Variants in POLR1G observed in about 807,000 individuals in gnomAD.
The protein encoded by POLR1G is DNA-directed RNA polymerase I subunit RPA34.
Under a neutral mutation model 6.3 loss-of-function variants are expected in POLR1G, and 9 were observed. That is an observed-to-expected ratio of 1.44 (90% CI 0.87 to 2.51). The LOEUF is 2.51. POLR1G is among the 30% of genes most tolerant of loss of function. The pLI, the probability that POLR1G is intolerant of heterozygous loss-of-function variation, is 0.00. For synonymous variants in POLR1G, 248 were observed against 256.5 expected (o/e 0.97, Z 0.32); for missense variants, 617 against 632.5 (o/e 0.98, Z 0.26).
chr19:45,409,718 C>A lies in POLR1G; in HGVS notation c.*217C>A. 1.2e-6 allele frequency: 1 copy of A among 853,760 alleles called. No homozygotes were observed. Among genetic ancestry groups the A allele is most frequent in the Non-Finnish European group, 2.1e-6 (1 of 486,140 alleles). 52.9% of individuals were successfully genotyped at this position (853,760 alleles called of 1,614,324 possible). A position where few individuals can be genotyped will look rare whatever the true frequency, so the allele number is the denominator to read the frequency against. On this transcript the variant is annotated 3_prime_UTR_variant, in exon 3 of 3. Transcript: ENST00000309424. ...GGGCTCGTGCAGGACATCAAACAGCCTCCGGGCCTGGATGGGAGGGAGAAA... is the reference window on the plus strand; with the variant it reads ...GGGCTCGTGCAGGACATCAAACAGCATCCGGGCCTGGATGGGAGGGAGAAA...
rs758351561 is a variant in POLR1G, at chr19:45,409,332, C to T, written c.1364C>T (p.Ala455Val). 2.5e-6 allele frequency: 4 copies of T among 1,614,066 alleles called. No homozygotes were observed. Among genetic ancestry groups the T allele is most frequent in the Middle Eastern group, 1.6e-4 (1 of 6,062 alleles). ...GGGGAGGGACAGCCTGAAGCCAGGG[C>T]AACTCCGGGATCCACCAAGAAGAGG... ...LPGEGQPEAR[A>V]TPGSTKKRKK... The change falls in exon 3 of 3, where the codon GCA (alanine) becomes GTA (valine). Residue 455 changes from alanine to valine, a missense_variant. By Grantham distance (64) the Ala-to-Val change is moderately conservative. Coordinates refer to ENST00000309424, the MANE Select transcript of POLR1G (RefSeq NM_012099.3).
In POLR1G at chr19:45,408,853, G is replaced by T. The variant is rs1173626984; in HGVS notation, c.885G>T (p.Gly295=). 3.1e-6 allele frequency: 5 copies of T among 1,614,050 alleles called. No homozygotes were observed. Among genetic ancestry groups the T allele is most frequent in the Admixed American group, 1.7e-5 (1 of 60,004 alleles). ...CCAAAAAGAGAAAGAGGCAAAAGGGGACGGAAGGGATGGAGCCAGAGGAGG... is the reference window on the plus strand; with the variant it reads ...CCAAAAAGAGAAAGAGGCAAAAGGGTACGGAAGGGATGGAGCCAGAGGAGG... ...SPTKKRKRQK[G]TEGMEPEEGV... is the part of the protein sequence containing the mutation. Residue 295 remains glycine, a synonymous_variant, in exon 3 of 3, where the codon GGG becomes GGT. Transcript: ENST00000309424.
chr19:45,409,070 C>A lies in POLR1G; in HGVS notation c.1102C>A (p.Gln368Lys). The change falls in exon 3 of 3, where the codon CAG (glutamine) becomes AAG (lysine). Residue 368 changes from glutamine (Q) to lysine (K), a missense_variant. By Grantham distance (53) the Gln-to-Lys change is moderately conservative. Coordinates refer to ENST00000309424, the MANE Select transcript of POLR1G (RefSeq NM_012099.3). Reference protein sequence around the residue: ...ESPGGTMAPQQPEGAKPQAQA... With the variant: ...ESPGGTMAPQKPEGAKPQAQA... Reference sequence around the variant, plus strand: ...CCCAGGGGGGACCATGGCGCCTCAACAGCCAGAAGGAGCGAAGCCTCAGGC... The same window carrying A: ...CCCAGGGGGGACCATGGCGCCTCAAAAGCCAGAAGGAGCGAAGCCTCAGGC... 1 of 1,613,774 alleles carries A rather than the reference C, an allele frequency of 6.2e-7. No homozygotes were observed. The highest frequency in any genetic ancestry group is 8.5e-7 in the Non-Finnish European group (1 of 1,179,756).
At chr19:45,407,827 G>A (rs908981385) in intron 2 of POLR1G, 9 of 279,528 alleles carry the variant, frequency 3.2e-5, no homozygotes, top group African/African-American at 8.6e-5. Flanking sequence ...AGGCCGAGGC[G>A]AGCAGATCAC....
chr19:45,409,790 A>C lies in POLR1G; in HGVS notation c.*289A>C. 2 of 730,896 alleles carry C rather than the reference A, an allele frequency of 2.7e-6. No individual in the cohort carries two copies. Among genetic ancestry groups the C allele is most frequent in the Non-Finnish European group, 5.1e-6 (2 of 392,300 alleles). 45.3% of individuals were successfully genotyped at this position (730,896 alleles called of 1,614,324 possible). Reference sequence around the variant, plus strand: ...AAGGAGCTGTTTCCTGGGTAAATCTAGAGTGGGGTTTTGGTTCTTTATTTT... The same window carrying C: ...AAGGAGCTGTTTCCTGGGTAAATCTCGAGTGGGGTTTTGGTTCTTTATTTT... On this transcript the variant is annotated 3_prime_UTR_variant, in exon 3 of 3. Transcript: ENST00000309424.
chr19:45,408,258 C>A lies in POLR1G; in HGVS notation c.290C>A (p.Pro97His). The change falls in exon 3 of 3, where the codon CCC becomes CAC. Residue 97 changes from proline (P) to histidine (H), a missense_variant. Physicochemically the swap from Pro to His is moderately conservative, Grantham distance 77. Coordinates refer to ENST00000309424, the MANE Select transcript of POLR1G (RefSeq NM_012099.3). ...PQAGEATLLA[P>H]STEAGGGLTC... ...GCTGGAGAAGCGACCCTGCTGGCCC[C>A]CTCAACGGAGGCAGGAGGTGGACTC... 6.2e-7 allele frequency: 1 copy of A among 1,614,104 alleles called. No individual in the cohort carries two copies. The highest frequency in any genetic ancestry group is 8.5e-7 in the Non-Finnish European group (1 of 1,179,974).
rs1406995672 is a variant in POLR1G, at chr19:45,409,491, A to G, written c.1523A>G (p.Gln508Arg). The G allele has an allele frequency of 6.2e-6, 10 of 1,607,592 alleles. No individual in the cohort carries two copies. Among genetic ancestry groups the G allele is most frequent in the African/African-American group, 2.7e-5 (2 of 74,812 alleles). The stretch of plus-strand genomic sequence containing the variant: ...AAGAAGCGGAAGCAGCAGCAGCAGC[A>G]GCCTGTGTAGTCTGCCCCCGGGAAA... Reference protein sequence around the residue: ...RDKKRKQQQQQPV With the variant: ...RDKKRKQQQQRPV The change falls in exon 3 of 3, where the codon CAG becomes CGG. Residue 508 changes from glutamine to arginine, a missense_variant. Transcript: ENST00000309424.
Position 45,407,152 on chromosome 19 carries a change from CCCT to C in POLR1G, c.83_85del (p.Pro28del), listed in dbSNP as rs1973399207. ...CCGCGAAGCCCCCAGCCTCAGAGTC[CCCT>C]CGTTTCTCCTTGGAGGCGCTGACGG... On this transcript the variant is annotated inframe_deletion, in exon 2 of 3. Transcript: ENST00000309424. The C allele has an allele frequency of 6.2e-7, 1 of 1,612,592 alleles. No individual in the cohort carries two copies.
At chr19:45,407,313 A>T in intron 2 of POLR1G, 78 bp downstream of exon 2, 2 of 1,386,008 alleles carry the variant, frequency 1.4e-6, no homozygotes, top group Non-Finnish European at 2.0e-6. Context: ...CACAGGAAAG[A>T]ATTAGAGGTG....
rs8113779 is a variant in POLR1G at position 45,406,745 on chromosome 19, G to T, written c.22+27G>T. On this transcript the variant is annotated intron_variant, in intron 1 of 2. Coordinates refer to ENST00000309424, the MANE Select transcript of POLR1G (RefSeq NM_012099.3). The surrounding 1 kb of genome is among the most constrained non-coding windows in gnomAD (Gnocchi z 4.2). ...TGAGGGTGCGGGTTGACGGGGTGCGGAGGGTGCGTTGGTGGAAGGAGAAAG... is the reference window on the plus strand; with the variant it reads ...TGAGGGTGCGGGTTGACGGGGTGCGTAGGGTGCGTTGGTGGAAGGAGAAAG... 0.18 allele frequency: 276,016 copies of T among 1,516,734 alleles called. 27,487 individuals carry two copies. The highest frequency in any genetic ancestry group is 0.46 in the East Asian group (17,624 of 38,700). 94.0% of individuals were successfully genotyped at this position (1,516,734 alleles called of 1,614,324 possible).
rs771809793 is a variant in POLR1G at position 45,409,472 on chromosome 19, C to T, written c.1504C>T (p.Arg502Trp). 9 of 1,611,210 alleles carry T rather than the reference C, an allele frequency of 5.6e-6. No individual in the cohort carries two copies. The East Asian group carries it at 1.3e-4, about 24-fold the overall frequency. ...EEAPTGRDKK[R>W]KQQQQQPV ...GGCTCCCACAGGCCGGGACAAGAAG[C>T]GGAAGCAGCAGCAGCAGCAGCCTGT... is the stretch of plus-strand genomic sequence containing the variant. Residue 502 changes from arginine to tryptophan, a missense_variant, in exon 3 of 3, where the codon CGG (arginine) becomes TGG (tryptophan). Transcript: ENST00000309424.
At position 45,408,825 on chromosome 19, in the gene POLR1G, C is replaced by T. The variant is rs748783248; in HGVS notation, c.857C>T (p.Pro286Leu). 2.8e-5 allele frequency: 45 copies of T among 1,613,798 alleles called. No individual in the cohort carries two copies. The highest frequency in any genetic ancestry group is 9.9e-5 in the South Asian group (9 of 91,072). The part of the protein sequence containing the change: ...TEPLEDTVLS[P>L]TKKRKRQKGT... The stretch of plus-strand genomic sequence containing the variant: ...CCTCTAGAAGACACAGTCCTGTCCC[C>T]GACCAAAAAGAGAAAGAGGCAAAAG... The change falls in exon 3 of 3, where the codon CCG becomes CTG. Residue 286 changes from proline (P) to leucine (L), a missense_variant. Transcript: ENST00000309424.
rs1482264960 is a variant in POLR1G at position 45,406,681 on chromosome 19, AGGTGT to A, written c.-13_-9del. ...GCAGCCCGGGCTACAGGGTTGCCTG[AGGTGT>A]GGGTCCCAGGATGGAGGAGCCCCAG... is the stretch of plus-strand genomic sequence containing the variant. On this transcript the variant is annotated 5_prime_UTR_variant, in exon 1 of 3. Coordinates refer to ENST00000309424, the MANE Select transcript of POLR1G (RefSeq NM_012099.3). The surrounding 1 kb of genome is among the most constrained non-coding windows in gnomAD (Gnocchi z 4.2). The A allele has an allele frequency of 5.2e-6, 8 of 1,544,236 alleles. No individual in the cohort carries two copies. Among genetic ancestry groups the A allele is most frequent in the Non-Finnish European group, 7.0e-6 (8 of 1,144,762 alleles).
In POLR1G at chr19:45,409,251, A is replaced by G; in HGVS notation, c.1283A>G (p.Lys428Arg). 4 of 1,613,442 alleles carry G rather than the reference A, an allele frequency of 2.5e-6. No homozygotes were observed. Among genetic ancestry groups the G allele is most frequent in the Non-Finnish European group, 3.4e-6 (4 of 1,179,654 alleles). Reference sequence around the variant, plus strand: ...TCCACCAAGAAGAAGAAGAAGAAGAAAGAGAGAGGTCACACAGTGACTGAG... The same window carrying G: ...TCCACCAAGAAGAAGAAGAAGAAGAGAGAGAGAGGTCACACAGTGACTGAG... ...PTSTKKKKKK[K>R]ERGHTVTEPI... Residue 428 changes from lysine (K) to arginine (R), a missense_variant, in exon 3 of 3, where the codon AAA (lysine) becomes AGA (arginine). By Grantham distance (26) the Lys-to-Arg change is conservative. Transcript: ENST00000309424.
Position 45,410,596 on chromosome 19 carries a change from T to TGTGTGTGTGTGTGTGTGTGTGG in POLR1G, c.*1096_*1097insTGTGTGTGTGTGTGTGTGTGGG, listed in dbSNP as rs896460788. The TGTGTGTGTGTGTGTGTGTGTGG allele has an allele frequency of 6.6e-6, 1 of 151,610 alleles. No homozygotes were observed. The highest frequency in any genetic ancestry group is 2.4e-5 in the African/African-American group (1 of 41,082). The allele number at this position is 151,610 out of a possible 1,614,324, so 9.4% of individuals were successfully genotyped here. On this transcript the variant is annotated 3_prime_UTR_variant, in exon 3 of 3. Coordinates refer to ENST00000309424, the MANE Select transcript of POLR1G (RefSeq NM_012099.3). Reference sequence around the variant, plus strand: ...GTGTGTGTGTGTGTGTGTGTGTGTGTGGTACCCATTAACCTTCCCCATCTC... The same window carrying TGTGTGTGTGTGTGTGTGTGTGG: ...GTGTGTGTGTGTGTGTGTGTGTGTGTGTGTGTGTGTGTGTGTGTGTGGGGTACCCATTAACCTTCCCCATCTC...
rs1340048153 is a variant in POLR1G at position 45,409,761 on chromosome 19, A to G, written c.*260A>G. 1 of 767,436 alleles carries G rather than the reference A, an allele frequency of 1.3e-6. No individual in the cohort carries two copies. The highest frequency in any genetic ancestry group is 1.8e-5 in the Admixed American group (1 of 55,854). 47.5% of individuals were successfully genotyped at this position (767,436 alleles called of 1,614,324 possible). Reference sequence around the variant, plus strand: ...GGGAGAAAAAAATGAGGAACCAGTCATTAAAGGAGCTGTTTCCTGGGTAAA... The same window carrying G: ...GGGAGAAAAAAATGAGGAACCAGTCGTTAAAGGAGCTGTTTCCTGGGTAAA... On this transcript the variant is annotated 3_prime_UTR_variant, in exon 3 of 3. Coordinates refer to ENST00000309424, the MANE Select transcript of POLR1G (RefSeq NM_012099.3).
chr19:45,409,469 A>C lies in POLR1G; in HGVS notation c.1501A>C (p.Lys501Gln), dbSNP rs778839547. Residue 501 changes from lysine (K) to glutamine (Q), a missense_variant, in exon 3 of 3, where the codon AAG becomes CAG. By Grantham distance (53) the Lys-to-Gln change is moderately conservative. Transcript: ENST00000309424. ...GGAGGCTCCCACAGGCCGGGACAAG[A>C]AGCGGAAGCAGCAGCAGCAGCAGCC... ...GEEAPTGRDK[K>Q]RKQQQQQPV 3 of 1,611,880 alleles carry C rather than the reference A, an allele frequency of 1.9e-6. No individual in the cohort carries two copies. The highest frequency in any genetic ancestry group is 1.1e-5 in the South Asian group (1 of 90,922).
At position 45,407,009 on chromosome 19, in the gene POLR1G, T is replaced by G. The variant is rs1182391428; in HGVS notation, c.23-85T>G. 5.3e-6 allele frequency: 8 copies of G among 1,510,832 alleles called. No individual in the cohort carries two copies. The South Asian group carries it at 9.2e-5, about 17-fold the overall frequency. 93.6% of individuals were successfully genotyped at this position (1,510,832 alleles called of 1,614,324 possible). Reference sequence around the variant, plus strand: ...GAGGGGACTGGAGTGCTCACGAGGTTAAGACCAATGGACCGATAGGCGCGC... The same window carrying G: ...GAGGGGACTGGAGTGCTCACGAGGTGAAGACCAATGGACCGATAGGCGCGC... On this transcript the variant is annotated intron_variant, in intron 1 of 2. Transcript: ENST00000309424.
intron 2 of POLR1G, 112 bp from the exon 3 acceptor site, chr19:45,408,021 T>C (rs1973447518): frequency 1.0e-5 from 14 of 1,402,914 alleles, no homozygotes; most frequent in Non-Finnish European, 1.3e-5. Context: ...GCCACTGCAC[T>C]CCAGCCTAGG....
Sources: allele counts gnomAD v4.1 joint callset, GRCh38; gene constraint gnomAD v4.1.1; non-coding constraint Gnocchi (gnomAD v3.1); transcripts MANE v1.5; gene names NCBI Gene and HGNC (gene_info 2026-07-23, HGNC 2026-07-21).